PLXDC2: variants seen among roughly 807,000 people sequenced by gnomAD.
The protein encoded by PLXDC2 is plexin domain containing 2.
A neutral mutation model predicts 68.9 loss-of-function variants in PLXDC2; 40 were observed. The observed-to-expected ratio is 0.58, with a 90% CI of 0.45 to 0.76. The LOEUF (loss-of-function observed/expected upper bound fraction) is 0.76, where lower values mean the gene tolerates loss of function less well. Ranked by LOEUF, PLXDC2 falls within the 30% of genes least tolerant of loss-of-function variation. The pLI, the probability that PLXDC2 is intolerant of heterozygous loss-of-function variation, is 0.00. For missense variants in PLXDC2, 644 were observed against 661.9 expected (o/e 0.97, Z 0.30); for synonymous variants, 243 against 234.2 (o/e 1.04, Z -0.34).
intron 4 of PLXDC2, among the ~76,000 whole-genome samples, chr10:20,069,031 G>T (rs1376346934): frequency 2.6e-5 from 4 of 152,136 alleles, no homozygotes; most frequent in African/African-American, 9.7e-5. Flanking sequence ...GTAATTGAAA[G>T]AAATTCCATA....
intron 9 of PLXDC2, among the ~76,000 whole-genome samples, chr10:20,190,054 G>C (rs535251852): frequency 1.3e-5 from 2 of 151,808 alleles, no homozygotes; most frequent in Non-Finnish European, 2.9e-5. Flanking sequence ...AGTACCATTT[G>C]GCAAACTGGA....
intron 1 of PLXDC2, among the ~76,000 whole-genome samples, chr10:19,957,558 G>C (rs778105548): frequency 6.6e-6 from 1 of 152,012 alleles, no homozygotes; most frequent in African/African-American, 2.4e-5. Context: ...AAATTACCAC[G>C]TTTATGCCAG....
At chr10:19,873,144 A>T (rs1203092646) in intron 1 of PLXDC2, among the ~76,000 whole-genome samples, 1 of 152,154 alleles carries the variant, frequency 6.6e-6, no homozygotes, top group African/African-American at 2.4e-5. Flanking sequence ...ATGTTTGTCC[A>T]TGGAGTTCCC....
chr10:19,982,682 T>C (rs1564646928), intron 1 of PLXDC2, among the ~76,000 whole-genome samples: 1 of 152,160 alleles, frequency 6.6e-6, no homozygotes, highest in Non-Finnish European at 1.5e-5. Context: ...TTTTTTGAGA[T>C]GTCTACCCAG....
At chr10:19,966,554 A>G (rs1834267712) in intron 1 of PLXDC2, among the ~76,000 whole-genome samples, 3 of 151,808 alleles carry the variant, frequency 2.0e-5, no homozygotes. Flanking sequence ...TAAATGGGGT[A>G]AAGCAGCAAG....
intron 4 of PLXDC2, among the ~76,000 whole-genome samples, chr10:20,081,781 C>T (rs1176524753): frequency 6.6e-6 from 1 of 151,878 alleles, no homozygotes; most frequent in Non-Finnish European, 1.5e-5. Flanking sequence ...TGGCTCATGC[C>T]TGTAATCCCA....
chr10:20,108,257 C>T (rs1016896892), intron 4 of PLXDC2, among the ~76,000 whole-genome samples: 2 of 151,994 alleles, frequency 1.3e-5, no homozygotes, highest in South Asian at 4.1e-4. Context: ...TAGAGATTGT[C>T]AGCAATTTAA....
intron 7 of PLXDC2, among the ~76,000 whole-genome samples, chr10:20,170,698 A>G (rs1230867673): frequency 1.3e-5 from 2 of 152,102 alleles, no homozygotes; most frequent in African/African-American, 4.8e-5. Flanking sequence ...CAGTAGCCAC[A>G]TGTGGCTACT....
intron 1 of PLXDC2, among the ~76,000 whole-genome samples, chr10:19,868,760 A>G (rs573299969): frequency 6.6e-6 from 1 of 152,304 alleles, no homozygotes; most frequent in Non-Finnish European, 1.5e-5. Context: ...CTCTATCAGC[A>G]TATACTTTTT....
chr10:20,073,048 A>G (rs1410304312), intron 4 of PLXDC2, among the ~76,000 whole-genome samples: 1 of 152,226 alleles, frequency 6.6e-6, no homozygotes, highest in Non-Finnish European at 1.5e-5. Flanking sequence ...ACTACAGGCC[A>G]TTCTAAATAG....
intron 2 of PLXDC2, among the ~76,000 whole-genome samples, chr10:20,019,335 AGGCAAG>A (rs1414513747): frequency 6.7e-6 from 1 of 149,526 alleles, no homozygotes; most frequent in Non-Finnish European, 1.5e-5. Flanking sequence ...GAGAAATTAC[AGGCAAG>A]GGCAGGGTCA....
chr10:20,165,817 A>G (rs1261688675), intron 7 of PLXDC2, among the ~76,000 whole-genome samples: 2 of 152,118 alleles, frequency 1.3e-5, no homozygotes, highest in African/African-American at 4.8e-5. Flanking sequence ...TATATTAGAA[A>G]CCAAAATGCT....
intron 5 of PLXDC2, 35 bp downstream of exon 5, chr10:20,143,452 A>T (rs750560919): frequency 1.1e-5 from 18 of 1,609,032 alleles, no homozygotes; most frequent in Non-Finnish European, 1.4e-5. Flanking sequence ...TGCTGCATGT[A>T]TATTTTTAAA....
intron 4 of PLXDC2, among the ~76,000 whole-genome samples, chr10:20,140,033 G>A (rs1833981401): frequency 1.3e-5 from 2 of 152,170 alleles, no homozygotes; most frequent in African/African-American, 4.8e-5. Flanking sequence ...AGGCGTGGTG[G>A]CACACGCCTG....
chr10:20,076,677 A>G (rs546649180), intron 4 of PLXDC2, among the ~76,000 whole-genome samples: 1 of 152,258 alleles, frequency 6.6e-6, no homozygotes, highest in Non-Finnish European at 1.5e-5. Flanking sequence ...TCCATAAAGC[A>G]TAGAAGGGGT....
At chr10:19,965,369 C>T (rs1589559898) in intron 1 of PLXDC2, among the ~76,000 whole-genome samples, 1 of 152,220 alleles carries the variant, frequency 6.6e-6, no homozygotes, top group East Asian at 1.9e-4. Context: ...GACTATTGGC[C>T]ATTTTTTGGT....
intron 2 of PLXDC2, among the ~76,000 whole-genome samples, chr10:20,014,483 C>A (rs1375582597): frequency 6.8e-6 from 1 of 147,096 alleles, no homozygotes; most frequent in Non-Finnish European, 1.5e-5. Context: ...TTTTTCCTTT[C>A]TTTCTCTCTT....
rs1834534993 is a variant in PLXDC2 at position 20,176,946 on chromosome 10, G to T, written c.884-53G>T. ...CTATATCCATTATTAAAATGCTGTT[G>T]TTTTGTAAGCGAGGAAAGGTTAAAA... On this transcript the variant is annotated intron_variant, in intron 7 of 13. Coordinates refer to ENST00000377252, the MANE Select transcript of PLXDC2 (RefSeq NM_032812.9). 4.5e-6 allele frequency: 6 copies of T among 1,337,608 alleles called. No individual in the cohort carries two copies. In the Admixed American group the frequency reaches 5.4e-5, roughly 12 times the overall value. The allele number at this position is 1,337,608 out of a possible 1,614,324, so 82.9% of individuals were successfully genotyped here. A position where few individuals can be genotyped will look rare whatever the true frequency, so the allele number is the denominator to read the frequency against.
intron 1 of PLXDC2, among the ~76,000 whole-genome samples, chr10:19,841,317 T>C (rs1408406273): frequency 6.6e-6 from 1 of 152,220 alleles, no homozygotes. Context: ...TCTACCTTGT[T>C]CTTCAGTGTG....
Sources: gnomAD v4.1 joint callset for allele counts (sites outside exome capture counted in the v4.1 genomes callset) on GRCh38, gnomAD v4.1.1 for gene constraint, MANE v1.5 for transcripts, NCBI Gene and HGNC (gene_info 2026-07-23, HGNC 2026-07-21) for gene names.